ARHGAP32: variants seen among roughly 807,000 people sequenced by gnomAD.
ARHGAP32 encodes Rho GTPase activating protein 32.
Under a neutral mutation model 186.5 loss-of-function variants are expected in ARHGAP32, and 51 were observed. That is an observed-to-expected ratio of 0.27 (90% CI 0.22 to 0.35). The LOEUF (loss-of-function observed/expected upper bound fraction) is 0.35. Ranked by LOEUF, ARHGAP32 falls within the 10% of genes least tolerant of loss-of-function variation. ARHGAP32 has a pLI of 1.00. For synonymous variants in ARHGAP32, 950 were observed against 964.3 expected (o/e 0.99, Z 0.27); for missense variants, 2,186 against 2,623.5 (o/e 0.83, Z 3.64).
chr11:129,210,729 G>A lies in ARHGAP32; in HGVS notation c.-4-46302C>T, dbSNP rs150766680. Among the ~76,000 whole-genome samples, 22 of 152,264 alleles carry A rather than the reference G, an allele frequency of 1.4e-4. No homozygotes were observed. The East Asian group carries it at 2.7e-3, about 19-fold the overall frequency. On this transcript the variant is annotated intron_variant, in intron 1 of 6. Coordinates refer to the ARHGAP32 transcript ENST00000525234. ...GCAATTAACCACTCAACTATTTCCC[G>A]AAATGATCACTAACCAAGTATGATC... is the stretch of plus-strand genomic sequence containing the variant.
rs1945479772 is a variant in ARHGAP32, at chr11:128,974,271, T to C, written c.2926A>G (p.Asn976Asp). 1 of 1,614,212 alleles carries C rather than the reference T, an allele frequency of 6.2e-7. No individual in the cohort carries two copies. The highest frequency in any genetic ancestry group is 1.1e-5 in the South Asian group (1 of 91,078). Reference protein sequence around the residue: ...SPTQIVKMKTNETVAQEAYES... With the variant: ...SPTQIVKMKTDETVAQEAYES... ...TATGCTTCTTGGGCAACTGTCTCATTTGTTTTCATCTTTACTATCTGGGTG... is the reference window on the plus strand; with the variant it reads ...TATGCTTCTTGGGCAACTGTCTCATCTGTTTTCATCTTTACTATCTGGGTG... The change falls in exon 21 of 23, where the codon AAT becomes GAT. Residue 976 changes from asparagine to aspartate, a missense_variant. Transcript: ENST00000682385.
chr11:129,192,054 G>A, intron 1 of ARHGAP32, 29 bp downstream of exon 1: 2 of 1,546,430 alleles, frequency 1.3e-6, no homozygotes, highest in Non-Finnish European at 1.8e-6. Flanking sequence ...GAGTGGACAG[G>A]ACAAAGGAAC....
At chr11:129,099,904 G>A (rs1278525430) in intron 5 of ARHGAP32, among the ~76,000 whole-genome samples, 1 of 152,096 alleles carries the variant, frequency 6.6e-6, no homozygotes, top group Middle Eastern at 3.2e-3. Context: ...TGAAGGGGGA[G>A]AAAGCTGGGA....
chr11:128,975,428 GT>G (rs1357177355), intron 20 of ARHGAP32, among the ~76,000 whole-genome samples: 1 of 151,604 alleles, frequency 6.6e-6, no homozygotes, highest in Non-Finnish European at 1.5e-5. Flanking sequence ...CAAAATGGAT[GT>G]TTTTTTTGTG....
intron 6 of ARHGAP32, among the ~76,000 whole-genome samples, chr11:129,068,361 T>A (rs988078360): frequency 1.5e-4 from 23 of 152,114 alleles, no homozygotes; most frequent in Non-Finnish European, 2.4e-4. Flanking sequence ...CCTGTCATGT[T>A]AGCTCTTTCT....
At chr11:129,272,349 G>A (rs780817161) in intron 1 of ARHGAP32, among the ~76,000 whole-genome samples, 1 of 152,160 alleles carries the variant, frequency 6.6e-6, no homozygotes, top group East Asian at 1.9e-4. Flanking sequence ...CTAAGGTATT[G>A]CCCTCACCTT....
chr11:129,209,243 T>C (rs965242788), intron 1 of ARHGAP32, among the ~76,000 whole-genome samples: 1 of 152,122 alleles, frequency 6.6e-6, no homozygotes, highest in East Asian at 1.9e-4. Flanking sequence ...TGGTTGAGCA[T>C]TCAAACCTTA....
Position 128,972,597 on chromosome 11 carries a change from A to G in ARHGAP32, c.3909T>C (p.Ala1303=), listed in dbSNP as rs747438974. Residue 1303 remains alanine, a synonymous_variant, in exon 22 of 23, where the codon GCT becomes GCC. Transcript: ENST00000682385. ...GCTGAAGTGTGGCAGCAGCAAAATC[A>G]GCAGTGGTGGGTTGTTCAGCCACAT... is the stretch of plus-strand genomic sequence containing the variant. ...SWDVAEQPTT[A]DFAAATLQRT... 3.1e-6 allele frequency: 5 copies of G among 1,606,006 alleles called. No homozygotes were observed. The highest frequency in any genetic ancestry group is 8.5e-7 in the Non-Finnish European group (1 of 1,174,884).
intron 12 of ARHGAP32, among the ~76,000 whole-genome samples, chr11:128,989,118 A>G (rs983327787): frequency 2.6e-5 from 4 of 152,212 alleles, no homozygotes; most frequent in Non-Finnish European, 4.4e-5. Flanking sequence ...CATTAACAGT[A>G]TATTGTCATT....
At position 128,969,229 on chromosome 11, in the gene ARHGAP32, G is replaced by A. The variant is rs778104872; in HGVS notation, c.5984C>T (p.Pro1995Leu). The change falls in exon 23 of 23, where the codon CCT becomes CTT. Residue 1995 changes from proline to leucine, a missense_variant. Pro to Leu is a moderately conservative substitution (Grantham distance 98, BLOSUM62 -3). Transcript: ENST00000682385. This position sits in a 1 kb window ranked among gnomAD's most constrained non-coding sequence, Gnocchi z 4.8. ...EHLTQSIVPP[P>L]KPERSHSLKL... ...GAGGCTATGACTCCTCTCTGGTTTA[G>A]GGGGTGGGACGATTGACTGAGTGAG... 3 of 1,613,978 alleles carry A rather than the reference G, an allele frequency of 1.9e-6. No individual in the cohort carries two copies. Among genetic ancestry groups the A allele is most frequent in the Non-Finnish European group, 2.5e-6 (3 of 1,179,976 alleles).
At chr11:129,152,608 C>T (rs556294638) in intron 2 of ARHGAP32, among the ~76,000 whole-genome samples, 2 of 152,134 alleles carry the variant, frequency 1.3e-5, no homozygotes, top group Non-Finnish European at 2.9e-5. Context: ...TGTGATACAC[C>T]ACATACACAA....
upstream of ARHGAP32, chr11:129,192,336 T>G (rs917646886): frequency 2.9e-5 from 19 of 659,216 alleles, no homozygotes; most frequent in African/African-American, 5.4e-5. Context: ...GCTGGTTTAA[T>G]TACAGTCAGG....
chr11:129,253,110 T>C (rs1199292725), intron 1 of ARHGAP32, among the ~76,000 whole-genome samples: 1 of 152,142 alleles, frequency 6.6e-6, no homozygotes, highest in African/African-American at 2.4e-5. Flanking sequence ...GGTATAAAAG[T>C]ATAACTCTAC....
At chr11:129,251,659 T>C (rs1402237435) in intron 1 of ARHGAP32, among the ~76,000 whole-genome samples, 2 of 151,832 alleles carry the variant, frequency 1.3e-5, no homozygotes, top group Non-Finnish European at 2.9e-5. Flanking sequence ...CCCAGCGCGG[T>C]GGCTCACACC....
chr11:129,209,514 T>C (rs1944554003), intron 1 of ARHGAP32, among the ~76,000 whole-genome samples: 1 of 152,084 alleles, frequency 6.6e-6, no homozygotes, highest in African/African-American at 2.4e-5. Flanking sequence ...TCTAGGCACC[T>C]GGAAGGGTAC....
chr11:129,010,384 TGGTATTGCCCA>T (rs1938019523), intron 11 of ARHGAP32, among the ~76,000 whole-genome samples: 2 of 152,210 alleles, frequency 1.3e-5, no homozygotes, highest in African/African-American at 4.8e-5. Context: ...ATGTCCTGAA[TGGTATTGCCCA>T]GGTTTTCTTC....
intron 1 of ARHGAP32, among the ~76,000 whole-genome samples, chr11:129,169,708 T>G (rs559637173): frequency 6.6e-6 from 1 of 151,394 alleles, no homozygotes; most frequent in East Asian, 1.9e-4. Context: ...AGAATTTAGT[T>G]GAAATGAACA....
chr11:128,997,851 G>A (rs757137933), intron 12 of ARHGAP32, among the ~76,000 whole-genome samples: 42 of 152,228 alleles, frequency 2.8e-4, no homozygotes, highest in Non-Finnish European at 5.1e-4. Flanking sequence ...CTATGATCAC[G>A]CCACTGCACT....
intron 1 of ARHGAP32, among the ~76,000 whole-genome samples, chr11:129,211,576 A>G (rs1484620626): frequency 6.6e-6 from 1 of 152,168 alleles, no homozygotes; most frequent in Admixed American, 6.5e-5. Context: ...TTAGAAGAGA[A>G]ATGCATAAAC....
Sources: gnomAD v4.1 joint callset for allele counts (sites outside exome capture counted in the v4.1 genomes callset) on GRCh38, gnomAD v4.1.1 for gene constraint, Gnocchi (gnomAD v3.1) non-coding constraint, MANE v1.5 for transcripts, NCBI Gene and HGNC (gene_info 2026-07-23, HGNC 2026-07-21) for gene names.